GPATCH1: variants seen among roughly 807,000 people sequenced by gnomAD.
The protein encoded by GPATCH1 is G patch domain-containing protein 1.
GPATCH1 carries 73 observed loss-of-function variants against 114.9 expected under a neutral mutation model. The observed-to-expected ratio is 0.64, with a 90% CI of 0.53 to 0.77. The LOEUF is 0.77. Among genes scored for constraint, GPATCH1 ranks in the 30% least tolerant of loss-of-function variants. The pLI, the probability that GPATCH1 is intolerant of heterozygous loss-of-function variation, is 0.00. For missense variants in GPATCH1, 1,058 were observed against 1,144.3 expected, an observed-to-expected ratio of 0.92 and a Z score of 1.09; for synonymous variants, 391 against 428.4, an observed-to-expected ratio of 0.91 and a Z score of 1.08.
chr19:33,093,543 A>T, intron 4 of GPATCH1, 24 bp downstream of exon 4: 1 of 1,602,880 alleles, frequency 6.2e-7, no homozygotes, highest in South Asian at 1.1e-5. Context: ...TCTGACTGTC[A>T]TGATCTTAGC....
At chr19:33,127,128 C>G (rs1458076361) in intron 19 of GPATCH1, among the ~76,000 whole-genome samples, 2 of 119,370 alleles carry the variant, frequency 1.7e-5, no homozygotes, top group East Asian at 2.5e-4. Context: ...GAGCAAGACC[C>G]TCTCCCTAAA....
chr19:33,092,816 C>T (rs1294091408), intron 3 of GPATCH1, among the ~76,000 whole-genome samples: 1 of 152,056 alleles, frequency 6.6e-6, no homozygotes, highest in African/African-American at 2.4e-5. Flanking sequence ...TGGTCATGCT[C>T]GGGGTGGCCC....
intron 17 of GPATCH1, among the ~76,000 whole-genome samples, chr19:33,119,697 C>CAAAA (rs34270215): frequency 7.8e-6 from 1 of 128,596 alleles, no homozygotes. Flanking sequence ...GACTCTGCCT[C>CAAAA]AAAAAAAAAA....
intron 10 of GPATCH1, among the ~76,000 whole-genome samples, chr19:33,108,456 GT>G (rs1972812259): frequency 6.6e-6 from 1 of 151,500 alleles, no homozygotes; most frequent in African/African-American, 2.4e-5. Flanking sequence ...AAGGGCCTTT[GT>G]GTTTGCTGTA....
intron 1 of GPATCH1, among the ~76,000 whole-genome samples, chr19:33,086,374 C>A (rs1415381138): frequency 6.6e-6 from 1 of 152,150 alleles, no homozygotes; most frequent in Non-Finnish European, 1.5e-5. Context: ...ATCCTCGTTA[C>A]CACCCTACAA....
chr19:33,086,013 T>C (rs181620416), intron 1 of GPATCH1, among the ~76,000 whole-genome samples: 61 of 152,264 alleles, frequency 4.0e-4, no homozygotes, highest in Non-Finnish European at 6.8e-4. Context: ...AGTGGGACAG[T>C]TGGCAATGCC....
chr19:33,095,141 TG>T (rs1483758720), intron 5 of GPATCH1, among the ~76,000 whole-genome samples: 2 of 152,180 alleles, frequency 1.3e-5, no homozygotes, highest in East Asian at 3.9e-4. Context: ...TACTTCAGCC[TG>T]GGTGACAGGG....
chr19:33,112,487 A>C lies in GPATCH1; in HGVS notation c.1766A>C (p.Asn589Thr), dbSNP rs1568347148. 6.2e-7 allele frequency: 1 copy of C among 1,614,012 alleles called. No individual in the cohort carries two copies. The change falls in exon 13 of 20, where the codon AAT becomes ACT. Residue 589 changes from asparagine to threonine, a missense_variant and splice_region_variant. Transcript: ENST00000170564. ...AACAGAATGCATGTCTTTTTCCAGA[A>C]TGATGTCGGGGATAAGCAGTCGGCT... ...DQVEVPRDQE[N>T]DVGDKQSAVK...
intron 3 of GPATCH1, among the ~76,000 whole-genome samples, chr19:33,092,499 C>T (rs1972607641): frequency 6.6e-6 from 1 of 152,190 alleles, no homozygotes; most frequent in South Asian, 2.1e-4. Flanking sequence ...TTAGATAAGA[C>T]ACAAAGCCCC....
At chr19:33,099,750 C>T (rs923559318) in intron 8 of GPATCH1, among the ~76,000 whole-genome samples, 1 of 150,614 alleles carries the variant, frequency 6.6e-6, no homozygotes, top group African/African-American at 2.4e-5. Flanking sequence ...AGGTGTGCAC[C>T]ACCACGCCCA....
chr19:33,096,790 C>T (rs1413793168), intron 7 of GPATCH1, among the ~76,000 whole-genome samples: 1 of 151,496 alleles, frequency 6.6e-6, no homozygotes, highest in East Asian at 1.9e-4. Context: ...CACCATGCCC[C>T]ACTAATTTTT....
In GPATCH1 at chr19:33,130,407, A is replaced by G. The variant is rs1039072019; in HGVS notation, c.*247A>G. ...AGTTTAATTAAAGTGGAATTTTTCTATTTTCTTCTTGATTTTTAAAAAATT... is the reference window on the plus strand; with the variant it reads ...AGTTTAATTAAAGTGGAATTTTTCTGTTTTCTTCTTGATTTTTAAAAAATT... On this transcript the variant is annotated 3_prime_UTR_variant, in exon 20 of 20. Transcript: ENST00000170564. The G allele has an allele frequency of 1.0e-5, 4 of 383,222 alleles. No individual in the cohort carries two copies. Among genetic ancestry groups the G allele is most frequent in the African/African-American group, 4.2e-5 (2 of 47,994 alleles). 23.7% of individuals were successfully genotyped at this position (383,222 alleles called of 1,614,324 possible).
chr19:33,088,330 C>A, intron 2 of GPATCH1, 62 bp downstream of exon 2: 4 of 1,227,038 alleles, frequency 3.3e-6, no homozygotes, highest in South Asian at 1.4e-5. Flanking sequence ...TATTGATTCT[C>A]CCTCACCCTT....
chr19:33,115,724 C>T (rs930963609), intron 15 of GPATCH1, among the ~76,000 whole-genome samples: 7 of 151,710 alleles, frequency 4.6e-5, no homozygotes, highest in South Asian at 2.1e-4. Context: ...AAACTCTTGA[C>T]CTTAGGTGAT....
chr19:33,093,724 G>T (rs2145308170), intron 4 of GPATCH1, among the ~76,000 whole-genome samples: 1 of 152,242 alleles, frequency 6.6e-6, no homozygotes, highest in African/African-American at 2.4e-5. Flanking sequence ...GTGCTGCTGG[G>T]GCTCTCAGAG....
chr19:33,117,924 T>A lies in GPATCH1; in HGVS notation c.2296T>A (p.Ser766Thr), dbSNP rs1972934532. 3 of 1,613,842 alleles carry A rather than the reference T, an allele frequency of 1.9e-6. No individual in the cohort carries two copies. In the African/African-American group the frequency reaches 4.0e-5, roughly 22 times the overall value. The change falls in exon 16 of 20, where the codon TCC (serine) becomes ACC (threonine). Residue 766 changes from serine (S) to threonine (T), a missense_variant. By Grantham distance (58) the Ser-to-Thr change is moderately conservative. Transcript: ENST00000170564. ...AIFASSSDEK[S>T]SSSEDEQGDS... ...CTTTGCCAGTTCCTCAGATGAAAAG[T>A]CCTCATCCTCCGAGGATGAGCAAGG...
chr19:33,127,345 C>T (rs781134255), intron 19 of GPATCH1, among the ~76,000 whole-genome samples: 7 of 151,648 alleles, frequency 4.6e-5, no homozygotes, highest in East Asian at 2.0e-4. Flanking sequence ...AGAGAAACCC[C>T]GTCTCTACTA....
Position 33,130,360 on chromosome 19 carries a change from G to A in GPATCH1, c.*200G>A. 4.6e-6 allele frequency: 2 copies of A among 438,450 alleles called. No homozygotes were observed. Among genetic ancestry groups the A allele is most frequent in the Non-Finnish European group, 8.0e-6 (2 of 249,154 alleles). 27.2% of individuals were successfully genotyped at this position (438,450 alleles called of 1,614,324 possible). On this transcript the variant is annotated 3_prime_UTR_variant, in exon 20 of 20. Coordinates refer to ENST00000170564, the MANE Select transcript of GPATCH1 (RefSeq NM_018025.3). ...TATTTTTAATTTCAGTTAGTATCGG[G>A]GGAAAAAAATCCAGACTGAACAGTT...
At chr19:33,111,452 T>A (rs1024944241) in intron 11 of GPATCH1, among the ~76,000 whole-genome samples, 2 of 150,506 alleles carry the variant, frequency 1.3e-5, no homozygotes, top group Non-Finnish European at 2.9e-5. Context: ...CCCGAACTCC[T>A]GACCTCAAGT....
Sources: allele counts gnomAD v4.1 joint callset (sites outside exome capture counted in the v4.1 genomes callset), GRCh38; gene constraint gnomAD v4.1.1; transcripts MANE v1.5; gene names NCBI Gene and HGNC (gene_info 2026-07-23, HGNC 2026-07-21).